Variants in KCNIP4 observed in about 807,000 individuals in gnomAD.
KCNIP4 encodes the protein Kv channel-interacting protein 4.
A neutral mutation model predicts 34.0 loss-of-function variants in KCNIP4; 12 were observed. That is an observed-to-expected ratio of 0.35 (90% CI 0.23 to 0.57). KCNIP4 has a LOEUF of 0.57. Among genes scored for constraint, KCNIP4 ranks in the 20% least tolerant of loss-of-function variants. KCNIP4 has a pLI of 0.83. For synonymous variants in KCNIP4, 124 were observed against 102.2 expected (o/e 1.21, Z -1.29); for missense variants, 238 against 311.7 (o/e 0.76, Z 1.78).
chr4:21,485,254 T>TA (rs1051010074), intron 1 of KCNIP4, among the ~76,000 whole-genome samples: 10 of 152,150 alleles, frequency 6.6e-5, no homozygotes, highest in African/African-American at 1.9e-4. Flanking sequence ...CACTCTTTTT[T>TA]AAAAAAATTA....
chr4:21,519,185 T>C (rs1160038518), intron 1 of KCNIP4, among the ~76,000 whole-genome samples: 1 of 151,932 alleles, frequency 6.6e-6, no homozygotes, highest in Non-Finnish European at 1.5e-5. Context: ...GAAGCTCTCG[T>C]GAATGCGATT....
At chr4:20,801,535 A>G (rs1384735336) in intron 3 of KCNIP4, among the ~76,000 whole-genome samples, 1 of 152,174 alleles carries the variant, frequency 6.6e-6, no homozygotes, top group Non-Finnish European at 1.5e-5. Flanking sequence ...GTGTGACATC[A>G]AAAACATAAG....
chr4:21,393,954 G>A (rs1577292804), intron 1 of KCNIP4, among the ~76,000 whole-genome samples: 2 of 152,264 alleles, frequency 1.3e-5, no homozygotes, highest in African/African-American at 4.8e-5. Context: ...CTGATCAAAT[G>A]TCTGGATAAT....
chr4:20,858,334 C>T (rs567716976), intron 2 of KCNIP4, among the ~76,000 whole-genome samples: 49 of 148,996 alleles, frequency 3.3e-4, no homozygotes, highest in Non-Finnish European at 6.2e-4. Flanking sequence ...TGACCTTGAA[C>T]TTCCAGCCTT....
At chr4:20,795,676 C>T (rs932273230) in intron 3 of KCNIP4, among the ~76,000 whole-genome samples, 1 of 152,044 alleles carries the variant, frequency 6.6e-6, no homozygotes, top group Non-Finnish European at 1.5e-5. Context: ...TGTTGCCTAC[C>T]ATCTTTAAAA....
intron 1 of KCNIP4, among the ~76,000 whole-genome samples, chr4:21,005,542 G>A (rs894873785): frequency 1.1e-4 from 16 of 151,438 alleles, no homozygotes; most frequent in African/African-American, 3.4e-4. Context: ...TATTTATTAC[G>A]TGAACTTCCT....
At chr4:21,542,586 A>G (rs1737799384) in intron 1 of KCNIP4, among the ~76,000 whole-genome samples, 2 of 151,660 alleles carry the variant, frequency 1.3e-5, no homozygotes, top group Admixed American at 1.3e-4. Context: ...TAGAATTTAG[A>G]TTAAAGTAAT....
intron 1 of KCNIP4, among the ~76,000 whole-genome samples, chr4:21,630,676 G>A (rs540526990): frequency 1.3e-5 from 2 of 152,092 alleles, no homozygotes; most frequent in East Asian, 1.9e-4. Flanking sequence ...CTGCAGATAC[G>A]ATGATTGAAA....
At chr4:21,320,565 G>A (rs926542623) in intron 1 of KCNIP4, among the ~76,000 whole-genome samples, 6 of 152,152 alleles carry the variant, frequency 3.9e-5, no homozygotes, top group African/African-American at 1.4e-4. Flanking sequence ...TTGTTTTAGT[G>A]AGGCATCTTA....
At chr4:21,851,734 T>C (rs1403305850) in intron 1 of KCNIP4, 1 of 152,106 alleles carries the variant, frequency 6.6e-6, no homozygotes, top group East Asian at 1.9e-4. Context: ...GGAAAAGCTA[T>C]ATATACCACG....
intron 1 of KCNIP4, among the ~76,000 whole-genome samples, chr4:21,309,595 C>G (rs557001074): frequency 6.6e-6 from 1 of 152,250 alleles, no homozygotes; most frequent in African/African-American, 2.4e-5. Flanking sequence ...GACTAGCACA[C>G]GGAGCACTTT....
intron 1 of KCNIP4, among the ~76,000 whole-genome samples, chr4:21,258,226 A>G (rs1398737939): frequency 6.6e-6 from 1 of 152,176 alleles, no homozygotes; most frequent in Non-Finnish European, 1.5e-5. Context: ...TGATGATCAC[A>G]TAAATTTAGG....
rs989128098 is a variant in KCNIP4 at position 21,085,787 on chromosome 4, G to C, written c.62-203078C>G. On this transcript the variant is annotated intron_variant, in intron 1 of 8. Coordinates refer to ENST00000382152, the MANE Select transcript of KCNIP4 (RefSeq NM_025221.6). ...ATAAATGTATTTTGACAAAGTTACT[G>C]TGAGAAATCAGAAGTTCACACGTAT... is the stretch of plus-strand genomic sequence containing the variant. Among the ~76,000 whole-genome samples the C allele has an allele frequency of 2.0e-5, 3 of 152,198 alleles. No homozygotes were observed. The South Asian group carries it at 6.2e-4, about 32-fold the overall frequency.
rs573079541 is a variant in KCNIP4, at chr4:21,908,333, G to A, written c.61+40238C>T. 2.8e-5 allele frequency among the ~76,000 whole-genome samples: 4 copies of A among 144,440 alleles called. No individual in the cohort carries two copies. In the South Asian group the frequency reaches 6.5e-4, roughly 24 times the overall value. 94.8% of individuals were successfully genotyped at this position (144,440 alleles called of 152,430 possible). ...CAACATTCTTGCCACTGTATGACTA[G>A]CTAATCCCTACCCTCCTTCAGGTCT... On this transcript the variant is annotated intron_variant, in intron 1 of 8. Transcript: ENST00000382152.
intron 1 of KCNIP4, among the ~76,000 whole-genome samples, chr4:21,328,873 G>C (rs1715349498): frequency 6.6e-6 from 1 of 152,162 alleles, no homozygotes. Context: ...CCAATGGTGA[G>C]TACCACCTGG....
intron 1 of KCNIP4, among the ~76,000 whole-genome samples, chr4:21,823,879 A>T (rs1261802497): frequency 6.6e-6 from 1 of 152,178 alleles, no homozygotes. Context: ...CCCCTCTACA[A>T]TGCAGCTTTG....
intron 1 of KCNIP4, among the ~76,000 whole-genome samples, chr4:20,930,809 T>C (rs1328332262): frequency 6.8e-6 from 1 of 148,126 alleles, no homozygotes; most frequent in Non-Finnish European, 1.5e-5. Flanking sequence ...CTATGAGATA[T>C]CACCCTTCAC....
At chr4:21,345,075 A>G (rs957347076) in intron 1 of KCNIP4, among the ~76,000 whole-genome samples, 1 of 152,144 alleles carries the variant, frequency 6.6e-6, no homozygotes, top group Admixed American at 6.6e-5. Context: ...TCTGGACAAC[A>G]GAATAATGCA....
chr4:21,189,088 C>A (rs577411540), intron 1 of KCNIP4, among the ~76,000 whole-genome samples: 1 of 152,214 alleles, frequency 6.6e-6, no homozygotes, highest in Non-Finnish European at 1.5e-5. Context: ...TGTTGCAGAG[C>A]TATTGTAAAA....
Sources: allele counts gnomAD v4.1 joint callset (sites outside exome capture counted in the v4.1 genomes callset), GRCh38; gene constraint gnomAD v4.1.1; transcripts MANE v1.5; gene names NCBI Gene and HGNC (gene_info 2026-07-23, HGNC 2026-07-21).